RASAL2: variants seen among roughly 807,000 people sequenced by gnomAD.
RASAL2 encodes the protein RAS protein activator like 2.
Under a neutral mutation model 128.9 loss-of-function variants are expected in RASAL2, and 58 were observed. The observed-to-expected ratio is 0.45, with a 90% CI of 0.36 to 0.56. The LOEUF is 0.56. Ranked by LOEUF, RASAL2 falls within the 20% of genes least tolerant of loss-of-function variation. The pLI is 0.00. For synonymous variants in RASAL2, 561 were observed against 580.8 expected (o/e 0.97, Z 0.49); for missense variants, 1,360 against 1,601.6 (o/e 0.85, Z 2.57).
chr1:178,427,671 T>C (rs1250228692), intron 5 of RASAL2, among the ~76,000 whole-genome samples: 1 of 152,088 alleles, frequency 6.6e-6, no homozygotes, highest in African/African-American at 2.4e-5. Context: ...CTTTCCCCAA[T>C]AGTGAGGTCT....
chr1:178,344,526 G>A (rs1315972196), intron 3 of RASAL2, among the ~76,000 whole-genome samples: 1 of 152,182 alleles, frequency 6.6e-6, no homozygotes, highest in Non-Finnish European at 1.5e-5. Flanking sequence ...CAACACGATT[G>A]TGTTTGCCCT....
chr1:178,328,007 A>C (rs776633971), intron 3 of RASAL2, among the ~76,000 whole-genome samples: 1 of 152,218 alleles, frequency 6.6e-6, no homozygotes, highest in African/African-American at 2.4e-5. Flanking sequence ...CAGACTTCCA[A>C]GGAAGGGTGG....
chr1:178,281,758 T>C (rs950414299), intron 1 of RASAL2, among the ~76,000 whole-genome samples: 1 of 152,190 alleles, frequency 6.6e-6, no homozygotes, highest in East Asian at 1.9e-4. Context: ...TGCATCTTTT[T>C]CTGTTGAAGT....
chr1:178,427,973 T>C (rs1188040172), intron 5 of RASAL2, among the ~76,000 whole-genome samples: 1 of 152,010 alleles, frequency 6.6e-6, no homozygotes, highest in East Asian at 1.9e-4. Context: ...TTGTTTCCTG[T>C]CTCTATCGCT....
At chr1:178,318,514 T>C (rs1307054475) in intron 3 of RASAL2, among the ~76,000 whole-genome samples, 1 of 150,374 alleles carries the variant, frequency 6.7e-6, no homozygotes, top group African/African-American at 2.4e-5. Context: ...TAGTTAGCTC[T>C]TCTTGTTGAA....
At chr1:178,150,214 C>G (rs987696475) in intron 1 of RASAL2, among the ~76,000 whole-genome samples, 1 of 151,442 alleles carries the variant, frequency 6.6e-6, no homozygotes, top group African/African-American at 2.4e-5. Flanking sequence ...TATTTTTTTG[C>G]GACGGAGTCT....
intron 5 of RASAL2, among the ~76,000 whole-genome samples, chr1:178,437,427 T>A (rs1445103673): frequency 6.6e-6 from 1 of 152,140 alleles, no homozygotes; most frequent in East Asian, 1.9e-4. Flanking sequence ...CCGCTATGAT[T>A]TGGGGTTGCA....
At chr1:178,402,802 A>G (rs879502845) in intron 4 of RASAL2, among the ~76,000 whole-genome samples, 3 of 152,142 alleles carry the variant, frequency 2.0e-5, no homozygotes, top group Non-Finnish European at 4.4e-5. Flanking sequence ...TGTTATTCTT[A>G]GAGTCCTAGA....
chr1:178,385,867 C>T (rs1672537856), intron 3 of RASAL2, among the ~76,000 whole-genome samples: 2 of 152,314 alleles, frequency 1.3e-5, no homozygotes, highest in African/African-American at 4.8e-5. Context: ...GTTAAACCTG[C>T]AAGGCTGACT....
In RASAL2 at chr1:178,265,193, G is replaced by T. The variant is rs1428363751; in HGVS notation, c.203-18371G>T. On this transcript the variant is annotated intron_variant, in intron 1 of 17. Transcript: ENST00000367649. ...AGTGTTTTCATATAACTCACATTTG[G>T]CCTTGTTCAAATGTTCAAATGGAAC... Among the ~76,000 whole-genome samples the T allele has an allele frequency of 4.6e-5, 7 of 152,172 alleles. No homozygotes were observed. The East Asian group carries it at 1.4e-3, about 29-fold the overall frequency.
At chr1:178,385,441 A>C (rs747095581) in intron 3 of RASAL2, among the ~76,000 whole-genome samples, 9 of 152,116 alleles carry the variant, frequency 5.9e-5, no homozygotes, top group Non-Finnish European at 1.2e-4. Context: ...AAGAAAGAAA[A>C]AGAAAAGCAT....
At chr1:178,452,275 A>G (rs959257202) in intron 10 of RASAL2, 141 bp from the exon 11 acceptor site, 6 of 732,772 alleles carry the variant, frequency 8.2e-6, no homozygotes, top group South Asian at 1.7e-5. Context: ...TGAATCAGGT[A>G]AAACCTCATC....
chr1:178,399,773 G>T (rs548060265), intron 4 of RASAL2, among the ~76,000 whole-genome samples: 1 of 152,264 alleles, frequency 6.6e-6, no homozygotes, highest in East Asian at 1.9e-4. Flanking sequence ...TTTTCATTTT[G>T]CACTGAGCCC....
At chr1:178,154,600 G>A (rs1661021946) in intron 1 of RASAL2, among the ~76,000 whole-genome samples, 2 of 152,022 alleles carry the variant, frequency 1.3e-5, no homozygotes, top group Admixed American at 6.6e-5. Flanking sequence ...CATTCTATTG[G>A]GTGAAAAATG....
At chr1:178,277,448 C>CG (rs1165834668) in intron 1 of RASAL2, among the ~76,000 whole-genome samples, 18 of 152,078 alleles carry the variant, frequency 1.2e-4, no homozygotes, top group African/African-American at 4.1e-4. Flanking sequence ...CGTGAGCCAC[C>CG]GTTCCTGGCC....
At chr1:178,140,616 AAAAGTT>A (rs1322703626) in intron 1 of RASAL2, among the ~76,000 whole-genome samples, 1 of 152,202 alleles carries the variant, frequency 6.6e-6, no homozygotes, top group Non-Finnish European at 1.5e-5. Context: ...ATATGCAGTT[AAAAGTT>A]TCCTCCATGA....
chr1:178,431,292 G>A (rs1384628322), intron 5 of RASAL2, among the ~76,000 whole-genome samples: 1 of 152,034 alleles, frequency 6.6e-6, no homozygotes, highest in Non-Finnish European at 1.5e-5. Flanking sequence ...TGGAATAGCA[G>A]TTTATAATTC....
chr1:178,402,244 C>T (rs759174917), intron 4 of RASAL2, among the ~76,000 whole-genome samples: 11 of 152,020 alleles, frequency 7.2e-5, no homozygotes, highest in Admixed American at 5.9e-4. Context: ...GTTGAAAGCC[C>T]GTCTCTACTA....
chr1:178,222,091 T>C (rs950405431), intron 1 of RASAL2, among the ~76,000 whole-genome samples: 9 of 152,196 alleles, frequency 5.9e-5, no homozygotes, highest in African/African-American at 2.2e-4. Flanking sequence ...TAGCACAGTA[T>C]AGCTTTCTCC....
Sources: gnomAD v4.1 joint callset for allele counts (sites outside exome capture counted in the v4.1 genomes callset) on GRCh38, gnomAD v4.1.1 for gene constraint, MANE v1.5 for transcripts, NCBI Gene and HGNC (gene_info 2026-07-23, HGNC 2026-07-21) for gene names.